The following ADGRL2 variants were observed in gnomAD, a reference collection of about 807,000 sequenced individuals.
ADGRL2 encodes the protein calcium-independent alpha-latrotoxin receptor 2.
ADGRL2 carries 44 observed loss-of-function variants against 157.4 expected under a neutral mutation model. That is an observed-to-expected ratio of 0.28 (90% CI 0.22 to 0.36). The LOEUF is 0.36. Among genes scored for constraint, ADGRL2 ranks in the 10% least tolerant of loss-of-function variants. ADGRL2 has a pLI of 1.00. For missense variants in ADGRL2, 1,510 were observed against 1,768.9 expected (o/e 0.85, Z 2.63); for synonymous variants, 585 against 624.7 (o/e 0.94, Z 0.95).
rs2076518500 is a variant in ADGRL2 at position 81,390,409 on chromosome 1, C to T, written c.-301-54627C>T. Among the ~76,000 whole-genome samples, 3 of 152,304 alleles carry T rather than the reference C, an allele frequency of 2.0e-5. No homozygotes were observed. The South Asian group carries it at 6.2e-4, about 31-fold the overall frequency. ...AAAAAGGCACGAACCAAATATTAGC[C>T]ATTGGTATAACATATTGGTATTAAG... is the stretch of plus-strand genomic sequence containing the variant. On this transcript the variant is annotated intron_variant, in intron 1 of 24. Transcript: ENST00000370721.
intron 4 of ADGRL2, 39 bp from the exon 5 acceptor site, chr1:81,941,995 C>A (rs754147701): frequency 2.6e-6 from 2 of 761,978 alleles, no homozygotes; most frequent in East Asian, 2.5e-5. Context: ...TTTTTCCTTG[C>A]ACCTTTTTTA....
chr1:81,665,879 T>G (rs1264069424), intron 3 of ADGRL2, among the ~76,000 whole-genome samples: 3 of 152,156 alleles, frequency 2.0e-5, no homozygotes, highest in Non-Finnish European at 4.4e-5. Flanking sequence ...CATGTAATTC[T>G]CCACATGCTG....
chr1:81,310,134 A>T (rs1006468960), intron 1 of ADGRL2, among the ~76,000 whole-genome samples: 15 of 152,168 alleles, frequency 9.9e-5, no homozygotes, highest in African/African-American at 3.4e-4. Flanking sequence ...AGATAAAGAA[A>T]AGAAATGAAG....
At chr1:81,883,915 C>T (rs1160459953) in intron 2 of ADGRL2, among the ~76,000 whole-genome samples, 1 of 151,796 alleles carries the variant, frequency 6.6e-6, no homozygotes, top group East Asian at 1.9e-4. Context: ...AGAAAAAGTC[C>T]TTAGTTGCCA....
At chr1:81,948,847 A>G (rs958631029) in intron 6 of ADGRL2, among the ~76,000 whole-genome samples, 1 of 152,202 alleles carries the variant, frequency 6.6e-6, no homozygotes, top group Non-Finnish European at 1.5e-5. Context: ...GGAAAGGAAT[A>G]AAACGTGTAT....
intron 3 of ADGRL2, among the ~76,000 whole-genome samples, chr1:81,590,749 A>G (rs2081116559): frequency 6.6e-6 from 1 of 151,976 alleles, no homozygotes; most frequent in Non-Finnish European, 1.5e-5. Context: ...TTTCTCCACA[A>G]TCTATTACTA....
At chr1:81,384,420 A>T (rs2101070209) in intron 1 of ADGRL2, among the ~76,000 whole-genome samples, 1 of 152,286 alleles carries the variant, frequency 6.6e-6, no homozygotes, top group Admixed American at 6.5e-5. Context: ...AAAAAATCTT[A>T]AAACTCATTA....
chr1:81,438,965 T>C (rs1238219792), intron 1 of ADGRL2, among the ~76,000 whole-genome samples: 6 of 152,122 alleles, frequency 3.9e-5, no homozygotes, highest in Non-Finnish European at 7.4e-5. Context: ...CCTGCTAACT[T>C]CTACCCATTA....
chr1:81,462,734 A>G (rs565662629), intron 2 of ADGRL2, among the ~76,000 whole-genome samples: 1 of 152,206 alleles, frequency 6.6e-6, no homozygotes, highest in Non-Finnish European at 1.5e-5. Context: ...TTCAAGACCT[A>G]AGAAAGCTAT....
chr1:81,376,147 T>C lies in ADGRL2; in HGVS notation c.-301-68889T>C, dbSNP rs1038899982. ...ACTTAGCCTTTCTTCACAAGTCAGT[T>C]ATCAAACTTTGAAAAAAATCTTATT... On this transcript the variant is annotated intron_variant, in intron 1 of 24. Coordinates refer to the ADGRL2 transcript ENST00000370721. Among the ~76,000 whole-genome samples the C allele has an allele frequency of 9.2e-5, 14 of 152,188 alleles. 1 individual carries two copies. Among genetic ancestry groups the C allele is most frequent in the Admixed American group, 9.2e-4 (14 of 15,284 alleles).
chr1:81,856,790 C>T (rs2093218229), intron 2 of ADGRL2, among the ~76,000 whole-genome samples: 1 of 151,528 alleles, frequency 6.6e-6, no homozygotes, highest in Admixed American at 6.6e-5. Context: ...ATTTGTAGGG[C>T]ATACTTAATT....
chr1:81,506,152 T>C (rs1364840041), intron 2 of ADGRL2: 2 of 155,282 alleles, frequency 1.3e-5, no homozygotes, highest in African/African-American at 4.8e-5. Context: ...ATGTTGAAAC[T>C]GGAAAGAGCG....
intron 3 of ADGRL2, among the ~76,000 whole-genome samples, chr1:81,604,661 A>T (rs946632694): frequency 2.0e-5 from 3 of 152,112 alleles, no homozygotes; most frequent in African/African-American, 4.8e-5. Context: ...AGAGCTGGCC[A>T]CCCTACCAAG....
At chr1:81,329,172 G>T (rs1557600973) in intron 1 of ADGRL2, among the ~76,000 whole-genome samples, 1 of 152,014 alleles carries the variant, frequency 6.6e-6, no homozygotes, top group Non-Finnish European at 1.5e-5. Context: ...GTGAGTGCTT[G>T]CAAGATAGCA....
chr1:81,984,437 G>A, intron 19 of ADGRL2, 146 bp from the exon 20 acceptor site: 4 of 777,514 alleles, frequency 5.1e-6, no homozygotes, highest in Non-Finnish European at 7.9e-6. Flanking sequence ...AATTGAACTT[G>A]ATTTTGCAAG....
intron 1 of ADGRL2, among the ~76,000 whole-genome samples, chr1:81,322,198 A>G (rs1225162107): frequency 6.6e-6 from 1 of 150,436 alleles, no homozygotes; most frequent in Non-Finnish European, 1.5e-5. Context: ...ATATACATAT[A>G]TATATACGCA....
chr1:81,427,600 C>G, intron 1 of ADGRL2: 1 of 705,926 alleles, frequency 1.4e-6, no homozygotes, highest in Non-Finnish European at 2.6e-6. Context: ...GATATAGGAG[C>G]AGAAGGTTTT....
chr1:81,788,821 T>G (rs750514911), intron 2 of ADGRL2, among the ~76,000 whole-genome samples: 11 of 152,152 alleles, frequency 7.2e-5, no homozygotes, highest in Non-Finnish European at 1.2e-4. Flanking sequence ...GTTCAAGTGA[T>G]TCTCCTGCTT....
At position 81,955,988 on chromosome 1, in the gene ADGRL2, G is replaced by A; in HGVS notation, c.1945G>A (p.Glu649Lys). 1 of 1,611,142 alleles carries A rather than the reference G, an allele frequency of 6.2e-7. No individual in the cohort carries two copies. Among genetic ancestry groups the A allele is most frequent in the Non-Finnish European group, 8.5e-7 (1 of 1,178,560 alleles). Reference sequence around the variant, plus strand: ...TGCAACAATGTTACTCGATACATTGGAAGAAGGAGCTTTTGTCCTAGCTGA... The same window carrying A: ...TGCAACAATGTTACTCGATACATTGAAAGAAGGAGCTTTTGTCCTAGCTGA... ...HTATMLLDTL[E>K]EGAFVLADNL... Residue 649 changes from glutamate to lysine, a missense_variant, in exon 11 of 24, where the codon GAA becomes AAA. Physicochemically the swap from Glu to Lys is moderately conservative, Grantham distance 56. This residue lies in a region of ADGRL2 where 325 missense variants were observed against 333.2 expected (regional missense o/e 0.98). Transcript: ENST00000686636.
Sources: gnomAD v4.1 joint callset for allele counts (sites outside exome capture counted in the v4.1 genomes callset) on GRCh38, gnomAD v4.1.1 for gene constraint, gnomAD v4.1.1 regional missense constraint, MANE v1.5 for transcripts, NCBI Gene and HGNC (gene_info 2026-07-23, HGNC 2026-07-21) for gene names.